The following KCNH5 variants were observed in gnomAD, a reference collection of about 807,000 sequenced individuals.
KCNH5 encodes the protein voltage-gated delayed rectifier potassium channel KCNH5.
In KCNH5, 46 loss-of-function variants were observed where a neutral mutation model predicts 96.1. The observed-to-expected ratio is 0.48, with a 90% CI of 0.38 to 0.61. KCNH5 has a LOEUF of 0.61. KCNH5 is among the 20% of genes least tolerant of loss of function. The pLI is 0.00. For synonymous variants in KCNH5, 439 were observed against 449.8 expected (o/e 0.98, Z 0.30); for missense variants, 907 against 1,225.8 (o/e 0.74, Z 3.88).
intron 6 of KCNH5, among the ~76,000 whole-genome samples, chr14:62,976,393 A>T (rs1397307264): frequency 7.2e-6 from 1 of 138,900 alleles, no homozygotes; most frequent in Non-Finnish European, 1.6e-5. Context: ...ACAGAGCGAG[A>T]CTCCATGTCA....
At chr14:62,870,357 C>T (rs1595663643) in intron 7 of KCNH5, among the ~76,000 whole-genome samples, 3 of 152,236 alleles carry the variant, frequency 2.0e-5, no homozygotes, top group South Asian at 4.1e-4. Flanking sequence ...GCTATATATA[C>T]AAATGTCATG....
At chr14:62,875,840 A>G (rs1159222172) in intron 7 of KCNH5, among the ~76,000 whole-genome samples, 2 of 152,080 alleles carry the variant, frequency 1.3e-5, no homozygotes, top group Middle Eastern at 3.4e-3. Flanking sequence ...AGAAATTGTC[A>G]ATGTTACGTT....
At chr14:62,959,816 C>G (rs1890173010) in intron 6 of KCNH5, among the ~76,000 whole-genome samples, 1 of 152,048 alleles carries the variant, frequency 6.6e-6, no homozygotes, top group Non-Finnish European at 1.5e-5. Context: ...CTCTCACCAC[C>G]TCCACTGTCA....
chr14:63,027,728 T>A (rs1367418467), intron 1 of KCNH5, among the ~76,000 whole-genome samples: 1 of 152,072 alleles, frequency 6.6e-6, no homozygotes, highest in African/African-American at 2.4e-5. Flanking sequence ...AATTATTTAT[T>A]GGTTGAATGA....
At chr14:62,708,654 C>A (rs1373003097) in intron 10 of KCNH5, among the ~76,000 whole-genome samples, 199 bp from the exon 11 acceptor site, 1 of 151,958 alleles carries the variant, frequency 6.6e-6, no homozygotes, top group Non-Finnish European at 1.5e-5. Context: ...TGGCTTAAAC[C>A]CAACATAGAA....
chr14:63,008,092 C>T (rs1260482273), intron 2 of KCNH5, among the ~76,000 whole-genome samples: 6 of 152,228 alleles, frequency 3.9e-5, no homozygotes, highest in Non-Finnish European at 1.5e-5. Context: ...TGTGGCATTA[C>T]TAAACACCTT....
At chr14:62,812,859 A>G (rs1253172006) in intron 8 of KCNH5, among the ~76,000 whole-genome samples, 3 of 152,218 alleles carry the variant, frequency 2.0e-5, no homozygotes, top group Admixed American at 1.3e-4. Flanking sequence ...TGCTATAATG[A>G]CTCATTATCA....
chr14:62,854,940 T>C (rs2140051438), intron 7 of KCNH5, among the ~76,000 whole-genome samples: 1 of 150,210 alleles, frequency 6.7e-6, no homozygotes, highest in East Asian at 2.1e-4. Context: ...AAGGTCTATA[T>C]TCTGATCCCT....
intron 7 of KCNH5, among the ~76,000 whole-genome samples, chr14:62,926,036 C>T (rs770248685): frequency 1.3e-4 from 19 of 151,914 alleles, no homozygotes; most frequent in Non-Finnish European, 2.1e-4. Context: ...AAATATTGTA[C>T]GAATGCTTCA....
At chr14:62,936,609 A>C (rs1889685200) in intron 7 of KCNH5, among the ~76,000 whole-genome samples, 1 of 145,000 alleles carries the variant, frequency 6.9e-6, no homozygotes, top group Non-Finnish European at 1.5e-5. Context: ...TGGGAGGAGG[A>C]GGTTGCAGTG....
intron 7 of KCNH5, among the ~76,000 whole-genome samples, chr14:62,921,832 G>A (rs1430054858): frequency 6.6e-6 from 1 of 152,044 alleles, no homozygotes; most frequent in South Asian, 2.1e-4. Context: ...CAGCCTTGTG[G>A]AGCAAGATTT....
At chr14:62,724,670 G>C (rs1174125838) in intron 10 of KCNH5, among the ~76,000 whole-genome samples, 1 of 152,164 alleles carries the variant, frequency 6.6e-6, no homozygotes, top group African/African-American at 2.4e-5. Flanking sequence ...GATGAAATTT[G>C]CTGCTAATTA....
intron 7 of KCNH5, among the ~76,000 whole-genome samples, chr14:62,864,913 T>C (rs1039290504): frequency 2.6e-5 from 4 of 152,162 alleles, no homozygotes; most frequent in African/African-American, 7.2e-5. Context: ...GGTCCTGGCA[T>C]TGGGGCACAT....
chr14:63,015,926 T>G (rs892736181), intron 2 of KCNH5, among the ~76,000 whole-genome samples: 1 of 151,576 alleles, frequency 6.6e-6, no homozygotes, highest in Non-Finnish European at 1.5e-5. Context: ...ATTTTATATA[T>G]ACATATATAT....
chr14:62,879,119 A>G (rs1489391176), intron 7 of KCNH5, among the ~76,000 whole-genome samples: 1 of 152,132 alleles, frequency 6.6e-6, no homozygotes, highest in Non-Finnish European at 1.5e-5. Context: ...AATTATCAAA[A>G]TCATTAGTAA....
chr14:62,819,640 A>G (rs1566671259), intron 8 of KCNH5, among the ~76,000 whole-genome samples: 1 of 152,204 alleles, frequency 6.6e-6, no homozygotes, highest in Non-Finnish European at 1.5e-5. Context: ...AATTTTTAAA[A>G]TACTGGCTAC....
At chr14:62,853,458 T>TATATATATATATCTATATATATATATATC (rs1555360131) in intron 7 of KCNH5, among the ~76,000 whole-genome samples, 1 of 43,984 alleles carries the variant, frequency 2.3e-5, no homozygotes. Context: ...AGAATAATCA[T>TATATATATATATCTATATATATATATATC]ATATATATAT....
chr14:62,985,545 G>A (rs1029209445), intron 5 of KCNH5, among the ~76,000 whole-genome samples: 1 of 152,168 alleles, frequency 6.6e-6, no homozygotes, highest in Non-Finnish European at 1.5e-5. Context: ...GAGTGCAAAC[G>A]TAGTGCTCAG....
At chr14:62,963,230 A>T (rs1239837574) in intron 6 of KCNH5, among the ~76,000 whole-genome samples, 1 of 152,134 alleles carries the variant, frequency 6.6e-6, no homozygotes, top group African/African-American at 2.4e-5. Flanking sequence ...TACTGTGCCT[A>T]ATTTATAAAT....
Sources: allele counts gnomAD v4.1 joint callset (sites outside exome capture counted in the v4.1 genomes callset), GRCh38; gene constraint gnomAD v4.1.1; transcripts MANE v1.5; gene names NCBI Gene and HGNC (gene_info 2026-07-23, HGNC 2026-07-21).